Variants in SRPK2 observed in about 807,000 individuals in gnomAD.
SRPK2 encodes the protein SFRS protein kinase 2.
A neutral mutation model predicts 90.8 loss-of-function variants in SRPK2; 21 were observed. The observed-to-expected ratio is 0.23, with a 90% CI of 0.16 to 0.33. The LOEUF is 0.33. Ranked by LOEUF, SRPK2 falls within the 10% of genes least tolerant of loss-of-function variation. The pLI is 1.00. For missense variants in SRPK2, 620 were observed against 869.0 expected, an observed-to-expected ratio of 0.71 and a Z score of 3.60; for synonymous variants, 288 against 311.1, an observed-to-expected ratio of 0.93 and a Z score of 0.78.
At chr7:105,222,515 AGT>A (rs1462318913) in intron 2 of SRPK2, among the ~76,000 whole-genome samples, 1 of 152,258 alleles carries the variant, frequency 6.6e-6, no homozygotes, top group South Asian at 2.1e-4. Context: ...AGCAGAAAAT[AGT>A]TTTTTAACCA....
chr7:105,348,477 T>G (rs1382438054), intron 2 of SRPK2, among the ~76,000 whole-genome samples: 1 of 147,534 alleles, frequency 6.8e-6, no homozygotes, highest in Non-Finnish European at 1.5e-5. Flanking sequence ...CAGGCTGGAG[T>G]GCAATGGCAT....
chr7:105,363,673 A>AGATGG, intron 2 of SRPK2, among the ~76,000 whole-genome samples: 1 of 152,324 alleles, frequency 6.6e-6, no homozygotes, highest in East Asian at 1.9e-4. Context: ...CCATCTCATT[A>AGATGG]CTGGGTATAT....
At chr7:105,226,534 T>G (rs1003272440) in intron 2 of SRPK2, among the ~76,000 whole-genome samples, 36 of 152,080 alleles carry the variant, frequency 2.4e-4, no homozygotes, top group Non-Finnish European at 5.3e-4. Context: ...TCAGGTGATC[T>G]GCCCACCTCA....
chr7:105,388,613 G>A (rs758726630), intron 2 of SRPK2, 35 bp downstream of exon 2: 5 of 1,556,924 alleles, frequency 3.2e-6, no homozygotes, highest in Non-Finnish European at 4.4e-6. Context: ...ACGGGGCGGG[G>A]GTGGGGAACG....
intron 11 of SRPK2, among the ~76,000 whole-genome samples, chr7:105,136,674 C>T (rs756747971): frequency 8.5e-5 from 13 of 152,284 alleles, no homozygotes; most frequent in African/African-American, 2.6e-4. Context: ...TGCTGTCACA[C>T]GCACATAACA....
chr7:105,391,330 C>T (rs1457253606), upstream of SRPK2, among the ~76,000 whole-genome samples: 5 of 152,050 alleles, frequency 3.3e-5, no homozygotes, highest in Non-Finnish European at 7.4e-5. Context: ...CTCAACCCTC[C>T]GAGTAGCTGG....
intron 2 of SRPK2, among the ~76,000 whole-genome samples, chr7:105,311,140 C>T (rs1254008504): frequency 1.3e-5 from 2 of 152,260 alleles, no homozygotes; most frequent in African/African-American, 4.8e-5. Flanking sequence ...ATCTGCACAT[C>T]ATATATCTGA....
upstream of SRPK2, among the ~76,000 whole-genome samples, chr7:105,393,851 C>T (rs548325232): frequency 6.6e-6 from 1 of 152,088 alleles, no homozygotes; most frequent in South Asian, 2.1e-4. Flanking sequence ...ATCACTTGAG[C>T]CCAGGAGTTC....
intron 2 of SRPK2, among the ~76,000 whole-genome samples, chr7:105,368,265 A>C (rs1002746829): frequency 2.0e-5 from 3 of 152,216 alleles, no homozygotes; most frequent in Non-Finnish European, 2.9e-5. Context: ...CTGTATTCTA[A>C]GATTTTCTAT....
At chr7:105,152,791 T>G (rs1428347429) in intron 7 of SRPK2, among the ~76,000 whole-genome samples, 1 of 152,154 alleles carries the variant, frequency 6.6e-6, no homozygotes, top group Non-Finnish European at 1.5e-5. Context: ...ATCCCAGCAC[T>G]TTGGGAGGCC....
chr7:105,280,018 T>C (rs775523736), intron 2 of SRPK2, among the ~76,000 whole-genome samples: 5 of 152,216 alleles, frequency 3.3e-5, no homozygotes, highest in African/African-American at 4.8e-5. Context: ...TAGAGTAATA[T>C]TCAGAAAAAA....
intron 1 of SRPK2, among the ~76,000 whole-genome samples, chr7:105,395,356 A>G (rs980709159): frequency 6.6e-6 from 1 of 151,992 alleles, no homozygotes; most frequent in African/African-American, 2.4e-5. Context: ...TTAAAAAAAA[A>G]ACTGAAAGCA....
intron 2 of SRPK2, among the ~76,000 whole-genome samples, chr7:105,212,193 C>T (rs1307009851): frequency 6.6e-6 from 1 of 152,100 alleles, no homozygotes; most frequent in Non-Finnish European, 1.5e-5. Context: ...AATATTACTA[C>T]TGAAATGGAG....
intron 2 of SRPK2, among the ~76,000 whole-genome samples, chr7:105,219,059 G>A (rs1446480888): frequency 6.6e-6 from 1 of 152,080 alleles, no homozygotes; most frequent in Non-Finnish European, 1.5e-5. Flanking sequence ...GGGACCACAA[G>A]AGCTTCAGCA....
intron 2 of SRPK2, among the ~76,000 whole-genome samples, chr7:105,322,056 CAAAT>C: frequency 6.6e-6 from 1 of 152,200 alleles, no homozygotes; most frequent in East Asian, 1.9e-4. Context: ...TGTCTACCAA[CAAAT>C]GAATGGATGA....
intron 2 of SRPK2, among the ~76,000 whole-genome samples, chr7:105,350,476 C>G (rs1248793035): frequency 6.6e-6 from 1 of 151,046 alleles, no homozygotes; most frequent in African/African-American, 2.4e-5. Context: ...AATATATCAG[C>G]TGAATTTTTA....
chr7:105,192,740 C>A (rs1284004254), intron 3 of SRPK2, among the ~76,000 whole-genome samples: 1 of 152,156 alleles, frequency 6.6e-6, no homozygotes, highest in African/African-American at 2.4e-5. Context: ...TATGGACATT[C>A]TTGCAGGAGT....
intron 2 of SRPK2, chr7:105,244,774 G>A: frequency 1.0e-6 from 1 of 985,554 alleles, no homozygotes; most frequent in Non-Finnish European, 1.6e-6. Context: ...AGTTTGTGCG[G>A]GACATGATCC....
At chr7:105,281,697 A>G (rs576716335) in intron 2 of SRPK2, among the ~76,000 whole-genome samples, 31 of 152,290 alleles carry the variant, frequency 2.0e-4, no homozygotes, top group African/African-American at 7.5e-4. Flanking sequence ...CCAAAGCTAA[A>G]CAGTTTCACT....
Sources: allele counts gnomAD v4.1 joint callset (sites outside exome capture counted in the v4.1 genomes callset), GRCh38; gene constraint gnomAD v4.1.1; transcripts MANE v1.5; gene names NCBI Gene and HGNC (gene_info 2026-07-23, HGNC 2026-07-21).